The following MRO variants were observed in gnomAD, a reference collection of about 807,000 sequenced individuals.
MRO encodes protein maestro.
Under a neutral mutation model 31.0 loss-of-function variants are expected in MRO, and 28 were observed. The ratio of observed to expected loss-of-function variants is 0.90; its 90% confidence interval spans 0.67 to 1.24. The LOEUF (loss-of-function observed/expected upper bound fraction) is 1.24, where lower values mean the gene tolerates loss of function less well. Among genes scored for constraint, MRO ranks in the 50% most tolerant of loss-of-function variants. MRO has a pLI of 0.00. For missense variants in MRO, 332 were observed against 289.2 expected (o/e 1.15, Z -1.07); for synonymous variants, 108 against 108.4 (o/e 1.00, Z 0.02).
In MRO at chr18:50,819,902, C is replaced by A. The variant is rs990361828; in HGVS notation, c.-132G>T. ...GCACAAGCATGACTTGCTACCTTTG[C>A]TTCCCCACGCCATGCTGAGGTGTTT... On this transcript the variant is annotated 5_prime_UTR_variant, in exon 1 of 8. Coordinates refer to ENST00000398439, the MANE Select transcript of MRO (RefSeq NM_031939.6). The A allele has an allele frequency of 6.4e-7, 1 of 1,551,618 alleles. No individual in the cohort carries two copies. Among genetic ancestry groups the A allele is most frequent in the Non-Finnish European group, 8.7e-7 (1 of 1,146,860 alleles).
chr18:50,824,154 G>A (rs1418188645), upstream of MRO: 1 of 152,210 alleles, frequency 6.6e-6, no homozygotes, highest in Non-Finnish European at 1.5e-5. Context: ...TAATAGTTTA[G>A]CCAGGCATGG....
rs1221344521 is a variant in MRO at position 50,795,979 on chromosome 18, A to C, written c.*3358T>G. ...AGAAAGAAAGACCTATCTCATGAGC[A>C]CCAGAGACACAGGGACCAAGCAAAG... On this transcript the variant is annotated 3_prime_UTR_variant, in exon 8 of 8. Coordinates refer to ENST00000398439, the MANE Select transcript of MRO (RefSeq NM_031939.6). 1.3e-5 allele frequency: 2 copies of C among 152,148 alleles called. No individual in the cohort carries two copies. 9.4% of individuals were successfully genotyped at this position (152,148 alleles called of 1,614,324 possible).
rs571766023 is a variant in MRO, at chr18:50,804,527, G to A, written c.429+627C>T. Among the ~76,000 whole-genome samples, 5 of 152,210 alleles carry A rather than the reference G, an allele frequency of 3.3e-5. No individual in the cohort carries two copies. The East Asian group carries it at 7.8e-4, about 24-fold the overall frequency. On this transcript the variant is annotated intron_variant, in intron 5 of 7. Transcript: ENST00000398439. Reference sequence around the variant, plus strand: ...TATAGTCCCAGCTACTTGGGAGGCTGAGGTGGGAGGATCAATTGAGCCCAG... The same window carrying A: ...TATAGTCCCAGCTACTTGGGAGGCTAAGGTGGGAGGATCAATTGAGCCCAG...
chr18:50,824,443 C>CT (rs35455658), upstream of MRO, among the ~76,000 whole-genome samples: 7,723 of 139,290 alleles, frequency 0.055, 264 homozygotes, highest in Non-Finnish European at 0.087. Context: ...ACTGTCTTTT[C>CT]TTTTTTTTTT....
At chr18:50,821,514 A>C (rs1187224942), upstream of MRO, among the ~76,000 whole-genome samples, 1 of 152,244 alleles carries the variant, frequency 6.6e-6, no homozygotes, top group East Asian at 1.9e-4. Context: ...TAGAATGACC[A>C]AAAAGGTAAT....
intron 2 of MRO, among the ~76,000 whole-genome samples, chr18:50,810,348 T>C (rs1446375408): frequency 5.3e-5 from 8 of 152,240 alleles, no homozygotes; most frequent in Admixed American, 5.2e-4. Context: ...CAACATGTGC[T>C]AAAATAATCT....
At chr18:50,803,126 A>C (rs1913559193) in intron 5 of MRO, among the ~76,000 whole-genome samples, 1 of 152,132 alleles carries the variant, frequency 6.6e-6, no homozygotes, top group Non-Finnish European at 1.5e-5. Flanking sequence ...TGGAGATGTA[A>C]ACTATCAGCA....
At chr18:50,819,504 GA>G (rs750167640) in intron 2 of MRO, 76 bp downstream of exon 2, 2 of 1,526,466 alleles carry the variant, frequency 1.3e-6, no homozygotes, top group Non-Finnish European at 1.8e-6. Flanking sequence ...TGACATTCCA[GA>G]AAGGTTTTGG....
intron 1 of MRO, 54 bp from the exon 2 acceptor site, chr18:50,819,756 G>C: frequency 6.5e-7 from 1 of 1,547,684 alleles, no homozygotes; most frequent in South Asian, 1.2e-5. Flanking sequence ...CCAGGATAAC[G>C]GGTCGGCACA....
chr18:50,811,136 G>A (rs2144640603), intron 2 of MRO, among the ~76,000 whole-genome samples: 1 of 152,278 alleles, frequency 6.6e-6, no homozygotes, highest in Admixed American at 6.5e-5. Flanking sequence ...GGCTACAGAG[G>A]CTAGCTAAAG....
intron 6 of MRO, 66 bp downstream of exon 6, chr18:50,801,283 A>C (rs1913282813): frequency 7.0e-7 from 1 of 1,433,096 alleles, no homozygotes; most frequent in Non-Finnish European, 9.4e-7. Flanking sequence ...TGGCGTCTCA[A>C]CTCGCAACTC....
intron 4 of MRO, 64 bp downstream of exon 4, chr18:50,806,640 G>T (rs566494416): frequency 1.3e-6 from 2 of 1,588,076 alleles, no homozygotes; most frequent in South Asian, 2.2e-5. Flanking sequence ...AGCCCTGGGA[G>T]TCTCCACACC....
At chr18:50,824,541 G>A (rs1035204466), upstream of MRO, among the ~76,000 whole-genome samples, 6 of 147,210 alleles carry the variant, frequency 4.1e-5, no homozygotes, top group Non-Finnish European at 8.9e-5. Flanking sequence ...TGCAACCTCT[G>A]CCTCCCGGGT....
At chr18:50,803,698 A>T (rs1599013357) in intron 5 of MRO, among the ~76,000 whole-genome samples, 1 of 152,186 alleles carries the variant, frequency 6.6e-6, no homozygotes, top group East Asian at 1.9e-4. Flanking sequence ...GTGTCTCTGG[A>T]GCAGGTGAGA....
intron 3 of MRO, among the ~76,000 whole-genome samples, 162 bp downstream of exon 3, chr18:50,809,140 G>A (rs1264442773): frequency 3.7e-5 from 4 of 108,390 alleles, no homozygotes; most frequent in African/African-American, 7.9e-5. Context: ...GCGAGACTCC[G>A]TCTCAAAAAA....
At chr18:50,811,817 A>G (rs978442610) in intron 2 of MRO, among the ~76,000 whole-genome samples, 2 of 131,422 alleles carry the variant, frequency 1.5e-5, no homozygotes, top group Admixed American at 2.0e-4. Context: ...GCAGTAGCTC[A>G]CTGCAACTTC....
chr18:50,819,475 C>T lies in MRO; in HGVS notation c.-5+106G>A, dbSNP rs995948763. On this transcript the variant is annotated intron_variant, in intron 2 of 7. Coordinates refer to ENST00000398439, the MANE Select transcript of MRO (RefSeq NM_031939.6). Reference sequence around the variant, plus strand: ...AATCCTACCCCCTAGAGGTCGAGCTCCCATACTGGTGACCAGAGTGACATT... The same window carrying T: ...AATCCTACCCCCTAGAGGTCGAGCTTCCATACTGGTGACCAGAGTGACATT... The T allele has an allele frequency of 1.0e-5, 15 of 1,487,536 alleles. 1 individual carries two copies. The South Asian group carries it at 1.6e-4, about 16-fold the overall frequency. The allele number at this position is 1,487,536 out of a possible 1,614,324, so 92.1% of individuals were successfully genotyped here.
upstream of MRO, chr18:50,820,051 T>G (rs534158636): frequency 1.6e-6 from 2 of 1,219,358 alleles, no homozygotes; most frequent in Non-Finnish European, 2.4e-6. Context: ...AAAACCTCCC[T>G]GCCAAGGCCC....
At chr18:50,807,834 T>G (rs1914092935) in intron 3 of MRO, among the ~76,000 whole-genome samples, 1 of 152,196 alleles carries the variant, frequency 6.6e-6, no homozygotes, top group African/African-American at 2.4e-5. Flanking sequence ...TCCCAGCACT[T>G]TGGGAGGCCG....
Sources: allele counts gnomAD v4.1 joint callset (sites outside exome capture counted in the v4.1 genomes callset), GRCh38; gene constraint gnomAD v4.1.1; transcripts MANE v1.5; gene names NCBI Gene and HGNC (gene_info 2026-07-23, HGNC 2026-07-21).